Variants in DYNLT2 observed in about 807,000 individuals in gnomAD.
DYNLT2 encodes the protein dynein light chain Tctex-type protein 2.
Under a neutral mutation model 24.3 loss-of-function variants are expected in DYNLT2, and 24 were observed. That is an observed-to-expected ratio of 0.99 (90% CI 0.71 to 1.39). The LOEUF (loss-of-function observed/expected upper bound fraction) is 1.39, where lower values mean the gene tolerates loss of function less well. Ranked by LOEUF, DYNLT2 falls within the 40% of genes most tolerant of loss-of-function variation. The probability of loss-of-function intolerance (pLI) is 0.00; values close to 1 mark genes in which losing one functional copy is unlikely to be tolerated. For missense variants in DYNLT2, 246 were observed against 234.5 expected (o/e 1.05, Z -0.32); for synonymous variants, 85 against 85.4 (o/e 1.00, Z 0.03).
At chr6:169,751,274 G>A in intron 1 of DYNLT2, 65 bp downstream of exon 1, 2 of 1,556,422 alleles carry the variant, frequency 1.3e-6, no homozygotes, top group South Asian at 1.2e-5. Context: ...GGGCCCACTG[G>A]GGAGCGATTT....
chr6:169,738,393 G>T (rs985069114), downstream of DYNLT2, among the ~76,000 whole-genome samples: 3 of 152,238 alleles, frequency 2.0e-5, no homozygotes, highest in Admixed American at 2.0e-4. Flanking sequence ...GCGCGTTCCA[G>T]GGTTGTGATG....
In DYNLT2 at chr6:169,744,190, C is replaced by T. The variant is rs1306152064; in HGVS notation, c.205G>A (p.Asp69Asn). 2 of 1,613,548 alleles carry T rather than the reference C, an allele frequency of 1.2e-6. No homozygotes were observed. Among genetic ancestry groups the T allele is most frequent in the Non-Finnish European group, 1.7e-6 (2 of 1,179,986 alleles). The change falls in exon 2 of 4, where the codon GAT becomes AAT. Residue 69 changes from aspartate (D) to asparagine (N), a missense_variant. Transcript: ENST00000366774. ...GCACTCTTCCATTCTTTACCTATAT[C>T]AGCAATTGAGTCATCAAAAGGAGGC... Reference protein sequence around the residue: ...VEPPFDDSIADIGKEWKSALA... With the variant: ...VEPPFDDSIANIGKEWKSALA...
rs1439139615 is a variant in DYNLT2, at chr6:169,748,387, C to G, written c.120+2952G>C. ...AGGTGGGGGCAATATTGGGGTTCAC[C>G]TTACCTATTTCTCATCTCTTGGAAA... On this transcript the variant is annotated intron_variant, in intron 1 of 3. Coordinates refer to ENST00000366774, the MANE Select transcript of DYNLT2 (RefSeq NM_174910.3). Among the ~76,000 whole-genome samples, 4 of 143,176 alleles carry G rather than the reference C, an allele frequency of 2.8e-5. No homozygotes were observed. The East Asian group carries it at 9.1e-4, about 32-fold the overall frequency. 93.9% of individuals were successfully genotyped at this position (143,176 alleles called of 152,430 possible).
downstream of DYNLT2, among the ~76,000 whole-genome samples, chr6:169,737,000 C>G (rs1789576045): frequency 1.3e-5 from 2 of 152,094 alleles, no homozygotes; most frequent in African/African-American, 4.8e-5. Context: ...TTCTTGGAGG[C>G]TTTGTTCATT....
At chr6:169,743,308 A>G in intron 2 of DYNLT2, 70 bp from the exon 3 acceptor site, 1 of 864,934 alleles carries the variant, frequency 1.2e-6, no homozygotes. Flanking sequence ...ATTCAAGTAG[A>G]AAACATGTCT....
intron 1 of DYNLT2, 23 bp downstream of exon 1, chr6:169,751,316 C>T (rs1169545209): frequency 6.2e-7 from 1 of 1,607,604 alleles, no homozygotes; most frequent in Non-Finnish European, 8.5e-7. Context: ...CCGTCTCGGG[C>T]CCCTAGCAGT....
At chr6:169,748,214 G>A (rs557963654) in intron 1 of DYNLT2, among the ~76,000 whole-genome samples, 4 of 152,242 alleles carry the variant, frequency 2.6e-5, no homozygotes, top group Admixed American at 2.6e-4. Flanking sequence ...GAAACCCTCT[G>A]TAGGTCTTTG....
downstream of DYNLT2, among the ~76,000 whole-genome samples, chr6:169,738,301 A>G (rs1483162549): frequency 6.6e-6 from 1 of 152,228 alleles, no homozygotes; most frequent in Non-Finnish European, 1.5e-5. Flanking sequence ...GACATCAGGC[A>G]GCTGCAGCCA....
chr6:169,746,836 C>G (rs1789812927), intron 1 of DYNLT2, among the ~76,000 whole-genome samples: 1 of 151,870 alleles, frequency 6.6e-6, no homozygotes, highest in African/African-American at 2.4e-5. Context: ...TGCTTCTGGA[C>G]TGTGAACTTC....
At chr6:169,740,368 T>C (rs1046793000) in intron 3 of DYNLT2, 73 bp from the exon 4 acceptor site, 1 of 902,628 alleles carries the variant, frequency 1.1e-6, no homozygotes, top group African/African-American at 1.7e-5. Context: ...TCTACACTAG[T>C]TTTTTAAAAA....
rs1790047160 is a variant in DYNLT2 at position 169,751,344 on chromosome 6, CCTT to C, written c.112_114del (p.Lys38del). ...CTAGCAGTCTCCGCACTCACTGCCT[CCTT>C]CTCGAACATGCTAGGCCTCCTTTCT... is the stretch of plus-strand genomic sequence containing the variant. On this transcript the variant is annotated inframe_deletion, in exon 1 of 4. Transcript: ENST00000366774. 1 of 1,613,878 alleles carries C rather than the reference CCTT, an allele frequency of 6.2e-7. No individual in the cohort carries two copies. The highest frequency in any genetic ancestry group is 1.3e-5 in the African/African-American group (1 of 75,048).
downstream of DYNLT2, among the ~76,000 whole-genome samples, chr6:169,738,170 C>T (rs1008681284): frequency 5.9e-5 from 9 of 152,192 alleles, no homozygotes; most frequent in African/African-American, 1.4e-4. Context: ...AGGGGAAAAG[C>T]GCAGCCTGGA....
In DYNLT2 at chr6:169,744,266, C is replaced by T. The variant is rs772995055; in HGVS notation, c.129G>A (p.Gln43=). The T allele has an allele frequency of 1.2e-5, 19 of 1,612,776 alleles. No homozygotes were observed. The South Asian group carries it at 2.0e-4, about 17-fold the overall frequency. Residue 43 remains glutamine (Q), a synonymous_variant, in exon 2 of 4, where the codon CAG becomes CAA. Coordinates refer to ENST00000366774, the MANE Select transcript of DYNLT2 (RefSeq NM_174910.3). ...ACTCTCTCAGTCTTTCTCTTAAAAT[C>T]TGTGTATACTGGAGGAGAAAGAGAG... ...PSMFEKEAYT[Q]ILRERLRESI... is the part of the protein sequence containing the mutation.
At chr6:169,746,088 T>TA (rs527357157) in intron 1 of DYNLT2, among the ~76,000 whole-genome samples, 13 of 152,330 alleles carry the variant, frequency 8.5e-5, no homozygotes, top group African/African-American at 3.1e-4. Context: ...TCATTATATT[T>TA]ATAGTGTTCA....
chr6:169,732,343 G>T, the DYNLT2 span, among the ~76,000 whole-genome samples: 1 of 152,110 alleles, frequency 6.6e-6, no homozygotes, highest in Non-Finnish European at 1.5e-5. Flanking sequence ...AAAAAAATGG[G>T]ATACATGTGC....
the DYNLT2 span, among the ~76,000 whole-genome samples, chr6:169,727,675 T>TG: frequency 6.6e-6 from 1 of 152,078 alleles, no homozygotes; most frequent in Non-Finnish European, 1.5e-5. Context: ...GCCATTCTCC[T>TG]GCCTCAGCCT....
chr6:169,748,416 C>CTT (rs1789859786), intron 1 of DYNLT2, among the ~76,000 whole-genome samples: 1 of 96,032 alleles, frequency 1.0e-5, no homozygotes, highest in Admixed American at 1.1e-4. Context: ...TTGGAAATCA[C>CTT]TCTCGTCCTG....
chr6:169,741,226 CT>C (rs1189018449), intron 3 of DYNLT2, among the ~76,000 whole-genome samples: 2 of 152,160 alleles, frequency 1.3e-5, no homozygotes, highest in African/African-American at 4.8e-5. Context: ...CACTGTGAAA[CT>C]TCCAAGCAAG....
At chr6:169,732,732 C>T in the DYNLT2 span, among the ~76,000 whole-genome samples, 6 of 152,210 alleles carry the variant, frequency 3.9e-5, no homozygotes, top group Admixed American at 2.6e-4. Flanking sequence ...GTGAATAGTG[C>T]TGAAATAAAC....
Sources: allele counts gnomAD v4.1 joint callset (sites outside exome capture counted in the v4.1 genomes callset), GRCh38; gene constraint gnomAD v4.1.1; transcripts MANE v1.5; gene names NCBI Gene and HGNC (gene_info 2026-07-23, HGNC 2026-07-21).